KPNB1: variants seen among roughly 807,000 people sequenced by gnomAD.
KPNB1 encodes the protein karyopherin subunit beta 1, also known as importin subunit beta-1.
KPNB1 carries 7 observed loss-of-function variants against 113.0 expected under a neutral mutation model. That is an observed-to-expected ratio of 0.06 (90% CI 0.04 to 0.12). The LOEUF (loss-of-function observed/expected upper bound fraction) is 0.12, where lower values mean the gene tolerates loss of function less well. Among genes scored for constraint, KPNB1 ranks in the 10% least tolerant of loss-of-function variants. The pLI, the probability that KPNB1 is intolerant of heterozygous loss-of-function variation, is 1.00. For synonymous variants in KPNB1, 363 were observed against 378.6 expected, an observed-to-expected ratio of 0.96 and a Z score of 0.48; for missense variants, 400 against 1,054.8, an observed-to-expected ratio of 0.38 and a Z score of 8.60.
intron 13 of KPNB1, 48 bp from the exon 14 acceptor site, chr17:47,673,442 A>G: frequency 6.7e-7 from 1 of 1,490,560 alleles, no homozygotes; most frequent in Non-Finnish European, 9.4e-7. Flanking sequence ...GGTCCCAGCA[A>G]AAGTGGAAGG....
intron 21 of KPNB1, among the ~76,000 whole-genome samples, chr17:47,681,055 TTGTGTG>T (rs10602429): frequency 1.4e-5 from 2 of 147,226 alleles, no homozygotes; most frequent in East Asian, 2.0e-4. Context: ...AAATGTTTTT[TTGTGTG>T]TGTGTGTGTG....
intron 2 of KPNB1, chr17:47,651,135 A>C (rs1200768552): frequency 3.7e-6 from 3 of 810,018 alleles, no homozygotes; most frequent in Non-Finnish European, 4.5e-6. Flanking sequence ...CTCATCTTTG[A>C]GATGGGGCCT....
chr17:47,663,829 A>G (rs1372372940), intron 7 of KPNB1, among the ~76,000 whole-genome samples: 1 of 151,122 alleles, frequency 6.6e-6, no homozygotes, highest in African/African-American at 2.5e-5. Flanking sequence ...TACAAAAAAT[A>G]CAAAAATAAG....
intron 6 of KPNB1, 42 bp from the exon 7 acceptor site, chr17:47,663,047 G>A (rs750804448): frequency 3.3e-5 from 34 of 1,045,488 alleles, no homozygotes; most frequent in Non-Finnish European, 4.5e-5. Flanking sequence ...GTCAGATTGC[G>A]TTGTTATTTT....
At chr17:47,679,693 CT>C (rs1219526478) in intron 19 of KPNB1, among the ~76,000 whole-genome samples, 5 of 148,764 alleles carry the variant, frequency 3.4e-5, no homozygotes, top group South Asian at 2.1e-4. Context: ...CCTTCTCTCT[CT>C]TTTTTTTTTC....
At position 47,650,156 on chromosome 17, in the gene KPNB1, G is replaced by GACACCCA; in HGVS notation, c.-87_-86insACCCAAC. On this transcript the variant is annotated 5_prime_UTR_variant, in exon 1 of 22. Transcript: ENST00000290158. ...CCCACCCCACCCTCCCTTCCCACCC[G>GACACCCA]ACCCCCAACCCCCATCCCCAGTTCG... The GACACCCA allele has an allele frequency of 8.3e-6, 5 of 598,964 alleles. No homozygotes were observed. The highest frequency in any genetic ancestry group is 9.5e-6 in the Non-Finnish European group (5 of 525,860). 37.1% of individuals were successfully genotyped at this position (598,964 alleles called of 1,614,324 possible).
chr17:47,665,895 A>C (rs1006272679), intron 9 of KPNB1, among the ~76,000 whole-genome samples: 1 of 152,220 alleles, frequency 6.6e-6, no homozygotes, highest in Non-Finnish European at 1.5e-5. Context: ...TGAGCATTGC[A>C]TCATTTCTTT....
At position 47,663,157 on chromosome 17, in the gene KPNB1, T is replaced by C. The variant is rs1251970419; in HGVS notation, c.765T>C (p.Tyr255=). Residue 255 remains tyrosine, a synonymous_variant, in exon 7 of 22, where the codon TAT becomes TAC. Transcript: ENST00000290158. The part of the protein sequence containing the change: ...MSLYYQYMET[Y]MGPALFAITI... ...TATATTATCAGTACATGGAGACATA[T>C]ATGGGTCCTGCTCTTTTTGCAGTAA... 7 of 1,571,258 alleles carry C rather than the reference T, an allele frequency of 4.5e-6. No homozygotes were observed. The highest frequency in any genetic ancestry group is 4.4e-6 in the Non-Finnish European group (5 of 1,141,154).
chr17:47,651,635 G>A (rs993482634), intron 2 of KPNB1, among the ~76,000 whole-genome samples: 8 of 152,118 alleles, frequency 5.3e-5, no homozygotes, highest in Non-Finnish European at 1.2e-4. Flanking sequence ...TTTGCAAAAA[G>A]CTTTTTATCT....
At position 47,684,118 on chromosome 17, in the gene KPNB1, A is replaced by T. The variant is rs1054460659; in HGVS notation, c.*1714A>T. On this transcript the variant is annotated 3_prime_UTR_variant, in exon 22 of 22. Coordinates refer to ENST00000290158, the MANE Select transcript of KPNB1 (RefSeq NM_002265.6). ...TGGTCCTTAGAGGACTAAAAACAAG[A>T]CCCTCATTCCCACTTTCATTTCCAC... 6.6e-6 allele frequency: 1 copy of T among 152,108 alleles called. No homozygotes were observed. The highest frequency in any genetic ancestry group is 6.6e-5 in the Admixed American group (1 of 15,262). 9.4% of individuals were successfully genotyped at this position (152,108 alleles called of 1,614,324 possible).
At chr17:47,664,104 A>G in intron 7 of KPNB1, 55 bp from the exon 8 acceptor site, 2 of 1,093,222 alleles carry the variant, frequency 1.8e-6, no homozygotes, top group Non-Finnish European at 2.8e-6. Flanking sequence ...GGGTTGGGGC[A>G]GGGACTCACT....
At chr17:47,650,575 C>A (rs1176736021) in intron 2 of KPNB1, 131 bp downstream of exon 2, 8 of 722,270 alleles carry the variant, frequency 1.1e-5, no homozygotes, top group Non-Finnish European at 1.8e-5. Context: ...CCCTCCCCCT[C>A]CCCCCCCAAC....
At chr17:47,671,302 G>C (rs79980568) in intron 12 of KPNB1, among the ~76,000 whole-genome samples, 1 of 152,280 alleles carries the variant, frequency 6.6e-6, no homozygotes, top group South Asian at 2.1e-4. Context: ...TTTAAAGATG[G>C]AGAAAGAAAT....
At chr17:47,677,944 A>G (rs145142389) in intron 17 of KPNB1, 102 bp from the exon 18 acceptor site, 3 of 1,212,012 alleles carry the variant, frequency 2.5e-6, no homozygotes, top group African/African-American at 3.0e-5. Context: ...GGACCATCCA[A>G]ATATTTAAAA....
intron 21 of KPNB1, among the ~76,000 whole-genome samples, chr17:47,681,604 C>T (rs1353013959): frequency 2.0e-5 from 3 of 149,056 alleles, no homozygotes; most frequent in African/African-American, 7.4e-5. Context: ...GATGGGGTTT[C>T]ACCATGTTTG....
chr17:47,658,118 G>T (rs539084119), intron 4 of KPNB1, among the ~76,000 whole-genome samples: 1 of 152,142 alleles, frequency 6.6e-6, no homozygotes, highest in Non-Finnish European at 1.5e-5. Flanking sequence ...TGCTTCTGTC[G>T]TGAAGCTCCT....
rs1053807131 is a variant in KPNB1, at chr17:47,650,044, G to A, written c.-201G>A. 3.2e-4 allele frequency: 431 copies of A among 1,361,760 alleles called. No individual in the cohort carries two copies. The highest frequency in any genetic ancestry group is 3.9e-4 in the Non-Finnish European group (417 of 1,063,282). The allele number at this position is 1,361,760 out of a possible 1,614,324, so 84.4% of individuals were successfully genotyped here. A position where few individuals can be genotyped will look rare whatever the true frequency, so the allele number is the denominator to read the frequency against. On this transcript the variant is annotated 5_prime_UTR_variant, in exon 1 of 22. Transcript: ENST00000290158. The stretch of plus-strand genomic sequence containing the variant: ...CCCGCCGCCAGCAGCCCATTTGGAG[G>A]GAGGAAGTAAGGGAAGAGGAGAGGA...
intron 5 of KPNB1, among the ~76,000 whole-genome samples, chr17:47,660,866 TAG>T (rs2030071618): frequency 6.6e-6 from 1 of 152,230 alleles, no homozygotes; most frequent in Admixed American, 6.5e-5. Context: ...AAGTCTTTGT[TAG>T]TGGTCATTTT....
At chr17:47,657,142 T>C (rs1046678286) in intron 4 of KPNB1, 82 bp downstream of exon 4, 4 of 1,167,904 alleles carry the variant, frequency 3.4e-6, no homozygotes, top group African/African-American at 1.5e-5. Flanking sequence ...TACTACCTTA[T>C]TGAATCACGA....
Sources: allele counts gnomAD v4.1 joint callset (sites outside exome capture counted in the v4.1 genomes callset), GRCh38; gene constraint gnomAD v4.1.1; transcripts MANE v1.5; gene names NCBI Gene and HGNC (gene_info 2026-07-23, HGNC 2026-07-21).